PUDP: variants seen among roughly 807,000 people sequenced by gnomAD.
PUDP encodes the protein pseudouridine-5'-phosphatase.
In PUDP, 8 loss-of-function variants were observed where a neutral mutation model predicts 9.4. The ratio of observed to expected loss-of-function variants is 0.85; its 90% confidence interval spans 0.50 to 1.53. The LOEUF is 1.53. PUDP is among the 40% of genes most tolerant of loss of function. The pLI is 0.00. For missense variants in PUDP, 188 were observed against 189.7 expected (o/e 0.99, Z 0.05); for synonymous variants, 99 against 80.7 (o/e 1.23, Z -1.22).
chrX:6,794,425 G>A (rs755794836), intron 3 of PUDP, among the ~76,000 whole-genome samples: 20 of 111,910 alleles, frequency 1.8e-4, no homozygotes, highest in Non-Finnish European at 3.4e-4. Flanking sequence ...AATGGAGCTC[G>A]CAGGACTGGA....
intron 3 of PUDP, among the ~76,000 whole-genome samples, chrX:6,841,460 G>A (rs1420180859): frequency 9.2e-6 from 1 of 108,915 alleles, no homozygotes; most frequent in Non-Finnish European, 1.9e-5. Context: ...AGGTGTGGTG[G>A]TGCATGCCTG....
At chrX:7,099,174 T>C (rs912447135) in intron 2 of PUDP, among the ~76,000 whole-genome samples, 10 of 112,828 alleles carry the variant, frequency 8.9e-5, no homozygotes, top group African/African-American at 3.2e-4. Flanking sequence ...CGCTGAGTTA[T>C]AATGAAATGT....
At chrX:7,086,230 C>T (rs1314379266) in intron 2 of PUDP, among the ~76,000 whole-genome samples, 6 of 112,041 alleles carry the variant, frequency 5.4e-5, no homozygotes, top group Admixed American at 2.9e-4. Context: ...AAAATCTGTG[C>T]TGATCGCTTT....
intron 3 of PUDP, among the ~76,000 whole-genome samples, chrX:6,728,124 A>C (rs1211901863): frequency 3.6e-5 from 4 of 111,356 alleles, no homozygotes; most frequent in African/African-American, 1.3e-4. Flanking sequence ...GGTGGCAGAC[A>C]AGAGAGAATG....
chrX:6,785,644 G>A (rs1412342474), intron 3 of PUDP, among the ~76,000 whole-genome samples: 1 of 110,337 alleles, frequency 9.1e-6, no homozygotes, highest in African/African-American at 3.3e-5. Flanking sequence ...TATATAAACT[G>A]GTGCTTTAAC....
intron 3 of PUDP, among the ~76,000 whole-genome samples, chrX:6,773,249 G>T (rs1925396934): frequency 8.9e-6 from 1 of 112,192 alleles, no homozygotes; most frequent in Non-Finnish European, 1.9e-5. Flanking sequence ...ATGAAAAAGA[G>T]CCATGCTATC....
At chrX:6,980,277 T>C (rs1245875627) in intron 1 of PUDP, among the ~76,000 whole-genome samples, 1 of 106,627 alleles carries the variant, frequency 9.4e-6, no homozygotes, top group Non-Finnish European at 1.9e-5. Flanking sequence ...GGTAAAATCA[T>C]GGCTCACTGC....
chrX:6,884,707 C>T (rs1049659007), intron 3 of PUDP, among the ~76,000 whole-genome samples: 1 of 112,254 alleles, frequency 8.9e-6, no homozygotes, highest in Admixed American at 9.4e-5. Flanking sequence ...CATTCCAATG[C>T]TAAAAGTATT....
chrX:7,045,279 T>A (rs926737152), downstream of PUDP, among the ~76,000 whole-genome samples: 2 of 112,878 alleles, frequency 1.8e-5, no homozygotes, highest in East Asian at 5.5e-4. Flanking sequence ...GTGAGTCAAT[T>A]AAACCTCTTT....
At chrX:6,794,324 T>C (rs939950091) in intron 3 of PUDP, among the ~76,000 whole-genome samples, 1 of 112,098 alleles carries the variant, frequency 8.9e-6, no homozygotes, top group African/African-American at 3.2e-5. Flanking sequence ...ATAGTATTTA[T>C]GTATCTAAAC....
intron 3 of PUDP, among the ~76,000 whole-genome samples, chrX:6,887,731 C>T (rs2146744006): frequency 8.9e-6 from 1 of 112,040 alleles, no homozygotes; most frequent in Non-Finnish European, 1.9e-5. Flanking sequence ...AGCTTCAAAA[C>T]CATTTGTTTG....
intron 1 of PUDP, among the ~76,000 whole-genome samples, chrX:6,710,361 G>A (rs1924517808): frequency 9.0e-6 from 1 of 111,630 alleles, no homozygotes; most frequent in South Asian, 3.8e-4. Flanking sequence ...GCTTGGCAAT[G>A]CAGTGTAAAC....
chrX:7,082,105 T>C (rs1359570484), intron 2 of PUDP, among the ~76,000 whole-genome samples: 2 of 111,977 alleles, frequency 1.8e-5, no homozygotes, highest in African/African-American at 6.5e-5. Context: ...TAGAATTTGG[T>C]GTGCTTCCGT....
chrX:6,950,374 A>C (rs1928533558), intron 3 of PUDP, among the ~76,000 whole-genome samples: 1 of 104,374 alleles, frequency 9.6e-6, no homozygotes, highest in Admixed American at 1.0e-4. Flanking sequence ...ATAGTTTTAT[A>C]ACTTAACTTA....
At chrX:6,854,075 G>A (rs1926869198) in intron 3 of PUDP, among the ~76,000 whole-genome samples, 2 of 111,999 alleles carry the variant, frequency 1.8e-5, no homozygotes, top group African/African-American at 6.5e-5. Flanking sequence ...TACAGAGCAT[G>A]TTTTTGAGGT....
intron 3 of PUDP, among the ~76,000 whole-genome samples, chrX:6,876,663 G>GTGTGTT (rs1437066458): frequency 2.8e-5 from 3 of 108,598 alleles, no homozygotes; most frequent in Non-Finnish European, 5.7e-5. Flanking sequence ...GTGTGTGTGT[G>GTGTGTT]TGTGTGTGTT....
intron 3 of PUDP, among the ~76,000 whole-genome samples, chrX:6,734,419 A>AC (rs776803208): frequency 8.9e-6 from 1 of 112,397 alleles, no homozygotes; most frequent in African/African-American, 3.2e-5. Context: ...TACAATGCAT[A>AC]CATACAGCAA....
intron 3 of PUDP, among the ~76,000 whole-genome samples, chrX:6,871,025 C>A (rs992526263): frequency 1.8e-5 from 2 of 111,801 alleles, no homozygotes; most frequent in Non-Finnish European, 3.8e-5. Flanking sequence ...TTTATAGAGA[C>A]CTGGTCTTGC....
intron 1 of PUDP, among the ~76,000 whole-genome samples, chrX:7,140,717 T>A (rs1475091258): frequency 2.7e-5 from 3 of 111,864 alleles, no homozygotes; most frequent in African/African-American, 9.8e-5. Flanking sequence ...TGTCCCATAT[T>A]ATACAGGCAT....
Sources: allele counts gnomAD v4.1 joint callset (sites outside exome capture counted in the v4.1 genomes callset), GRCh38; gene constraint gnomAD v4.1.1; transcripts MANE v1.5; gene names NCBI Gene and HGNC (gene_info 2026-07-23, HGNC 2026-07-21).